CSMD2: variants seen among roughly 807,000 people sequenced by gnomAD.
CSMD2 encodes the protein CUB and Sushi multiple domains 2.
CSMD2 carries 130 observed loss-of-function variants against 398.5 expected under a neutral mutation model. The ratio of observed to expected loss-of-function variants is 0.33; its 90% CI spans 0.28 to 0.38. The LOEUF (loss-of-function observed/expected upper bound fraction) is 0.38, where lower values mean the gene tolerates loss of function less well. Among genes scored for constraint, CSMD2 ranks in the 10% least tolerant of loss-of-function variants. The probability of loss-of-function intolerance (pLI) is 1.00; values close to 1 mark genes in which losing one functional copy is unlikely to be tolerated. For missense variants in CSMD2, 3,829 were observed against 4,764.9 expected, an observed-to-expected ratio of 0.80 and a Z score of 5.78; for synonymous variants, 1,828 against 1,908.5, an observed-to-expected ratio of 0.96 and a Z score of 1.10.
chr1:34,156,100 G>A (rs2148569677), intron 1 of CSMD2, among the ~76,000 whole-genome samples: 1 of 152,330 alleles, frequency 6.6e-6, no homozygotes, highest in Admixed American at 6.5e-5. Flanking sequence ...TCCCTGGCAG[G>A]AGGGGATGCC....
intron 13 of CSMD2, among the ~76,000 whole-genome samples, chr1:33,757,334 T>C (rs937478128): frequency 2.2e-4 from 33 of 152,248 alleles, no homozygotes; most frequent in Non-Finnish European, 2.5e-4. Context: ...GAGAGTCAGT[T>C]TGGATTTTGT....
intron 44 of CSMD2, among the ~76,000 whole-genome samples, chr1:33,587,767 A>T (rs1570839709): frequency 6.6e-6 from 1 of 152,200 alleles, no homozygotes; most frequent in African/African-American, 2.4e-5. Flanking sequence ...GCTGGAATTC[A>T]TCCCTATGGG....
chr1:33,967,712 G>A (rs553974250), intron 3 of CSMD2, among the ~76,000 whole-genome samples: 1 of 152,142 alleles, frequency 6.6e-6, no homozygotes, highest in African/African-American at 2.4e-5. Context: ...CAATAGGTTT[G>A]GGGGGCCTCA....
chr1:33,971,896 G>T (rs1244399200), intron 3 of CSMD2, among the ~76,000 whole-genome samples: 1 of 152,220 alleles, frequency 6.6e-6, no homozygotes, highest in Non-Finnish European at 1.5e-5. Context: ...TTAGAGAGAG[G>T]CAGCACAACT....
In CSMD2 at chr1:33,617,500, T is replaced by C. The variant is rs746246061; in HGVS notation, c.5945A>G (p.Gln1982Arg). ...SFQCEPGYAL[Q>R]GHAHISCMPG... ...GCTCTAGGGTGTCAGGGGAGGTACC[T>C]GGAGGGCATATCCCGGCTCACACTG... is the stretch of plus-strand genomic sequence containing the variant. Residue 1982 changes from glutamine (Q) to arginine (R), a missense_variant and splice_region_variant, in exon 38 of 71, where the codon CAG becomes CGG. Physicochemically the swap from Gln to Arg is conservative, Grantham distance 43. This residue lies in a region of CSMD2 where 2,001 missense variants were observed against 2,567.1 expected (regional missense o/e 0.78). Coordinates refer to ENST00000373381, the MANE Select transcript of CSMD2 (RefSeq NM_001281956.2). The C allele has an allele frequency of 1.2e-6, 2 of 1,611,814 alleles. No individual in the cohort carries two copies. Among genetic ancestry groups the C allele is most frequent in the Non-Finnish European group, 1.7e-6 (2 of 1,177,914 alleles).
At chr1:33,929,556 G>GCT (rs1644246886) in intron 4 of CSMD2, among the ~76,000 whole-genome samples, 1 of 149,978 alleles carries the variant, frequency 6.7e-6, no homozygotes, top group South Asian at 2.1e-4. Context: ...TCCTGACTCA[G>GCT]CCTCCTGAGT....
chr1:33,856,967 C>T (rs1639142388), intron 5 of CSMD2, among the ~76,000 whole-genome samples: 1 of 151,980 alleles, frequency 6.6e-6, no homozygotes, highest in South Asian at 2.1e-4. Context: ...AATTCTTGGC[C>T]CTGCCATATC....
intron 1 of CSMD2, among the ~76,000 whole-genome samples, chr1:34,110,201 C>A (rs1454600308): frequency 1.3e-5 from 2 of 151,978 alleles, no homozygotes; most frequent in Non-Finnish European, 2.9e-5. Flanking sequence ...ATAACAGATG[C>A]TGGCAAGGTG....
At chr1:33,707,178 C>T (rs1557763625) in intron 22 of CSMD2, among the ~76,000 whole-genome samples, 1 of 152,196 alleles carries the variant, frequency 6.6e-6, no homozygotes, top group Non-Finnish European at 1.5e-5. Flanking sequence ...TCCATATGAC[C>T]TCCAGCAACC....
intron 12 of CSMD2, among the ~76,000 whole-genome samples, chr1:33,785,487 T>G (rs1342492735): frequency 6.6e-6 from 1 of 152,270 alleles, no homozygotes; most frequent in African/African-American, 2.4e-5. Context: ...GGCAGATTAC[T>G]TCACCCCTCT....
At chr1:34,023,254 C>A (rs1424704744) in intron 3 of CSMD2, among the ~76,000 whole-genome samples, 1 of 152,210 alleles carries the variant, frequency 6.6e-6, no homozygotes, top group Non-Finnish European at 1.5e-5. Flanking sequence ...TGAATGACCA[C>A]AGACTCCCAA....
Position 34,164,835 on chromosome 1 carries a change from G to A in CSMD2, c.187+76C>T. On this transcript the variant is annotated intron_variant, in intron 1 of 70. Coordinates refer to ENST00000373381, the MANE Select transcript of CSMD2 (RefSeq NM_001281956.2). This position sits in a 1 kb window ranked among gnomAD's most constrained non-coding sequence, Gnocchi z 6.2. ...AGAGGCGGGGGGAGGGACTGGGACC[G>A]GGTCGAGGATGGGTGGGCTCGGGGC... 3 of 1,174,450 alleles carry A rather than the reference G, an allele frequency of 2.6e-6. No individual in the cohort carries two copies. Among genetic ancestry groups the A allele is most frequent in the Non-Finnish European group, 3.2e-6 (3 of 942,494 alleles). 72.8% of individuals were successfully genotyped at this position (1,174,450 alleles called of 1,614,324 possible).
At chr1:33,590,981 CTTTTTT>C (rs11374822) in intron 44 of CSMD2, among the ~76,000 whole-genome samples, 14 of 67,184 alleles carry the variant, frequency 2.1e-4, no homozygotes, top group African/African-American at 8.2e-4. Flanking sequence ...TTTTATTTAT[CTTTTTT>C]TTTTTTTTTT....
At chr1:34,013,692 G>A (rs1173273485) in intron 3 of CSMD2, among the ~76,000 whole-genome samples, 1 of 151,988 alleles carries the variant, frequency 6.6e-6, no homozygotes, top group African/African-American at 2.4e-5. Context: ...GTCCACACCT[G>A]GGGAAAAAAA....
intron 10 of CSMD2, among the ~76,000 whole-genome samples, chr1:33,795,445 G>C (rs1013766345): frequency 3.9e-5 from 6 of 152,132 alleles, no homozygotes; most frequent in Admixed American, 1.3e-4. Context: ...TGAAACATAA[G>C]AAGGGCATCT....
Position 34,036,749 on chromosome 1 carries a change from C to T in CSMD2, c.405-4043G>A, listed in dbSNP as rs72667704. 5.4e-3 allele frequency among the ~76,000 whole-genome samples: 829 copies of T among 152,264 alleles called. 4 individuals are homozygous for T. Among genetic ancestry groups the T allele is most frequent in the Non-Finnish European group, 9.9e-3 (670 of 68,010 alleles). On this transcript the variant is annotated intron_variant, in intron 2 of 70. Transcript: ENST00000373381. ...AAACTGGGAGAAGGGTACATGGAAC[C>T]TCTCCTGTGAATCTATTATTATTTC... is the stretch of plus-strand genomic sequence containing the variant.
In CSMD2 at chr1:34,031,224, G is replaced by A. The variant is rs958956020; in HGVS notation, c.517+1370C>T. 4.6e-5 allele frequency among the ~76,000 whole-genome samples: 7 copies of A among 151,880 alleles called. No homozygotes were observed. The South Asian group carries it at 6.2e-4, about 14-fold the overall frequency. ...ATTACAGGTGTGTAACACCATGCCC[G>A]GCTAATTTTTGTATTTTCAGTAGAG... On this transcript the variant is annotated intron_variant, in intron 3 of 70. Transcript: ENST00000373381.
chr1:33,869,701 C>T (rs1230883773), intron 5 of CSMD2, among the ~76,000 whole-genome samples: 1 of 152,212 alleles, frequency 6.6e-6, no homozygotes, highest in East Asian at 1.9e-4. Context: ...TGTAGCCCCT[C>T]ATTCACTCTG....
intron 10 of CSMD2, among the ~76,000 whole-genome samples, chr1:33,803,222 G>T (rs138358127): frequency 2.9e-3 from 439 of 152,170 alleles, no homozygotes; most frequent in Non-Finnish European, 5.2e-3. Flanking sequence ...CTCCTGTCAC[G>T]ACGGTATTCT....
Sources: gnomAD v4.1 joint callset for allele counts (sites outside exome capture counted in the v4.1 genomes callset) on GRCh38, gnomAD v4.1.1 for gene constraint, gnomAD v4.1.1 regional missense constraint, Gnocchi (gnomAD v3.1) non-coding constraint, MANE v1.5 for transcripts, NCBI Gene and HGNC (gene_info 2026-07-23, HGNC 2026-07-21) for gene names.